TESK2: variants seen among roughly 807,000 people sequenced by gnomAD.
TESK2 encodes dual specificity testis-specific protein kinase 2.
TESK2 carries 39 observed loss-of-function variants against 57.1 expected under a neutral mutation model. The observed-to-expected ratio is 0.68, with a 90% confidence interval of 0.53 to 0.89. The LOEUF (loss-of-function observed/expected upper bound fraction) is 0.89. TESK2 is among the 40% of genes least tolerant of loss of function. The pLI is 0.00. For synonymous variants in TESK2, 249 were observed against 267.9 expected (o/e 0.93, Z 0.69); for missense variants, 646 against 732.1 (o/e 0.88, Z 1.36).
intron 1 of TESK2, among the ~76,000 whole-genome samples, chr1:45,473,680 C>T (rs185643426): frequency 6.6e-6 from 1 of 152,216 alleles, no homozygotes; most frequent in East Asian, 1.9e-4. Flanking sequence ...CATTGGAGTA[C>T]ACACTACTAT....
chr1:45,422,327 A>C (rs1650508402), intron 2 of TESK2, among the ~76,000 whole-genome samples: 1 of 152,332 alleles, frequency 6.6e-6, no homozygotes, highest in East Asian at 1.9e-4. Flanking sequence ...CAGGTGCAGC[A>C]AACCACCATG....
chr1:45,379,107 C>A (rs1648548057), intron 4 of TESK2, among the ~76,000 whole-genome samples: 2 of 152,160 alleles, frequency 1.3e-5, no homozygotes, highest in African/African-American at 4.8e-5. Context: ...GCAGGCACAA[C>A]TAATAACAAT....
At chr1:45,376,361 C>T (rs538911537) in intron 4 of TESK2, among the ~76,000 whole-genome samples, 1 of 150,512 alleles carries the variant, frequency 6.6e-6, no homozygotes, top group Non-Finnish European at 1.5e-5. Context: ...GATTACAGGC[C>T]CCCGCCACCA....
intron 1 of TESK2, among the ~76,000 whole-genome samples, chr1:45,482,790 G>T (rs1463933479): frequency 6.6e-6 from 1 of 151,814 alleles, no homozygotes; most frequent in African/African-American, 2.4e-5. Context: ...AACCAGCCTG[G>T]CTAACATGGT....
intron 3 of TESK2, among the ~76,000 whole-genome samples, chr1:45,393,507 C>T (rs1649230349): frequency 6.6e-6 from 1 of 152,042 alleles, no homozygotes; most frequent in South Asian, 2.1e-4. Context: ...CTTTGGGAGG[C>T]CAAGGTGGGA....
chr1:45,414,062 G>A (rs1035255403), intron 3 of TESK2, among the ~76,000 whole-genome samples: 135 of 152,186 alleles, frequency 8.9e-4, no homozygotes, highest in African/African-American at 3.1e-3. Flanking sequence ...CATTTAAGGA[G>A]TCACAGGGAA....
chr1:45,403,881 C>CAA (rs1557559895), intron 3 of TESK2, among the ~76,000 whole-genome samples: 1 of 85,256 alleles, frequency 1.2e-5, no homozygotes, highest in African/African-American at 4.3e-5. Flanking sequence ...GCCATGCAAG[C>CAA]GAAAAAAAAA....
intron 5 of TESK2, among the ~76,000 whole-genome samples, chr1:45,350,714 G>A (rs2149263677): frequency 6.6e-6 from 1 of 152,270 alleles, no homozygotes; most frequent in South Asian, 2.1e-4. Context: ...CTTTACCATA[G>A]CTCTTGTGTA....
chr1:45,466,924 A>T (rs1261658871), intron 1 of TESK2, among the ~76,000 whole-genome samples: 2 of 152,026 alleles, frequency 1.3e-5, no homozygotes, highest in Non-Finnish European at 2.9e-5. Context: ...AATGGATAGT[A>T]CCTAATAAAC....
intron 1 of TESK2, among the ~76,000 whole-genome samples, chr1:45,477,280 T>C (rs1434093051): frequency 2.0e-5 from 3 of 151,860 alleles, no homozygotes; most frequent in East Asian, 3.9e-4. Context: ...GATATAGTCA[T>C]TAAACTGAAT....
intron 3 of TESK2, among the ~76,000 whole-genome samples, chr1:45,405,272 A>G (rs1237176149): frequency 6.6e-6 from 1 of 152,098 alleles, no homozygotes; most frequent in Admixed American, 6.6e-5. Context: ...CTGATCTCCC[A>G]TTTCCAAAAC....
In TESK2 at chr1:45,378,552, A is replaced by C. The variant is rs148929915; in HGVS notation, c.393+7360T>G. On this transcript the variant is annotated intron_variant, in intron 4 of 10. Transcript: ENST00000372086. ...AGGAGTACCATGGCACCAGATATGC[A>C]AATGAAGAAGCCATCTTGGAAATGG... Among the ~76,000 whole-genome samples the C allele has an allele frequency of 9.9e-4, 151 of 152,322 alleles. 1 individual carries two copies. The highest frequency in any genetic ancestry group is 3.9e-3 in the Admixed American group (59 of 15,296).
chr1:45,355,996 T>C (rs563338444), intron 4 of TESK2, among the ~76,000 whole-genome samples: 2 of 152,326 alleles, frequency 1.3e-5, no homozygotes, highest in Admixed American at 6.5e-5. Context: ...AAAGAAGCAT[T>C]TTAAGCAGGA....
At chr1:45,417,572 T>A (rs1262791905) in intron 3 of TESK2, among the ~76,000 whole-genome samples, 2 of 152,058 alleles carry the variant, frequency 1.3e-5, no homozygotes, top group East Asian at 3.9e-4. Flanking sequence ...CTACCCAATC[T>A]CATGGAGATT....
chr1:45,457,623 GCGTCAGT>G lies in TESK2; in HGVS notation c.156_162del (p.Arg52SerfsTer11), dbSNP rs1652160995. ...TTTTCACAGGTGAAATCATCCAAACGCGTCAGTCTGGAAAAGGCACTTATAAGAGCTC... is the reference window on the plus strand; with the variant it reads ...TTTTCACAGGTGAAATCATCCAAACGCTGGAAAAGGCACTTATAAGAGCTC... On this transcript the variant is annotated frameshift_variant, in exon 2 of 11. Coordinates refer to ENST00000372086, the MANE Select transcript of TESK2 (RefSeq NM_007170.3). LOFTEE classifies it high-confidence loss of function. 1.2e-6 allele frequency: 2 copies of G among 1,613,958 alleles called. No homozygotes were observed. Among genetic ancestry groups the G allele is most frequent in the Non-Finnish European group, 1.7e-6 (2 of 1,179,984 alleles).
chr1:45,346,853 G>C (rs1327322500), intron 8 of TESK2, 74 bp from the exon 9 acceptor site: 27 of 1,540,786 alleles, frequency 1.8e-5, no homozygotes, highest in Non-Finnish European at 2.3e-5. Context: ...CTCAGTAGAA[G>C]TGGTTGGGAG....
Position 45,420,330 on chromosome 1 carries a change from A to G in TESK2, c.344+1395T>C, listed in dbSNP as rs138513668. Among the ~76,000 whole-genome samples the G allele has an allele frequency of 1.3e-3, 203 of 152,170 alleles. 1 individual carries two copies. Among genetic ancestry groups the G allele is most frequent in the Non-Finnish European group, 1.8e-3 (124 of 67,990 alleles). ...TCATGGCTCACTGTAGCTGTGAACTATTGGCTCAAGAGATCCTCCCACCTC... is the reference window on the plus strand; with the variant it reads ...TCATGGCTCACTGTAGCTGTGAACTGTTGGCTCAAGAGATCCTCCCACCTC... On this transcript the variant is annotated intron_variant, in intron 3 of 10. Coordinates refer to ENST00000372086, the MANE Select transcript of TESK2 (RefSeq NM_007170.3).
rs191166996 is a variant in TESK2 at position 45,432,264 on chromosome 1, G to A, written c.223-10418C>T. Reference sequence around the variant, plus strand: ...TTAGGAAGTAGGTCTTGAACACCTGGCATTAAGGGATCCTCCTGCCTCGGC... The same window carrying A: ...TTAGGAAGTAGGTCTTGAACACCTGACATTAAGGGATCCTCCTGCCTCGGC... On this transcript the variant is annotated intron_variant, in intron 2 of 10. Coordinates refer to ENST00000372086, the MANE Select transcript of TESK2 (RefSeq NM_007170.3). 3.3e-5 allele frequency among the ~76,000 whole-genome samples: 5 copies of A among 151,960 alleles called. No individual in the cohort carries two copies. The East Asian group carries it at 9.8e-4, about 30-fold the overall frequency.
intron 3 of TESK2, among the ~76,000 whole-genome samples, chr1:45,416,548 A>G (rs1292689222): frequency 4.6e-5 from 7 of 152,134 alleles, no homozygotes. Context: ...ACTACCTCAC[A>G]TCATTTTTTG....
Sources: gnomAD v4.1 joint callset for allele counts (sites outside exome capture counted in the v4.1 genomes callset) on GRCh38, gnomAD v4.1.1 for gene constraint, MANE v1.5 for transcripts, NCBI Gene and HGNC (gene_info 2026-07-23, HGNC 2026-07-21) for gene names.